Variants in PEBP4 observed in about 807,000 individuals in gnomAD.
PEBP4 encodes the protein phosphatidylethanolamine-binding protein 4.
A neutral mutation model predicts 23.9 loss-of-function variants in PEBP4; 22 were observed. That is an observed-to-expected ratio of 0.92 (90% CI 0.66 to 1.31). The LOEUF is 1.31. PEBP4 is among the 40% of genes most tolerant of loss of function. PEBP4 has a pLI of 0.00. For synonymous variants in PEBP4, 112 were observed against 99.3 expected, an observed-to-expected ratio of 1.13 and a Z score of -0.76; for missense variants, 324 against 281.7, an observed-to-expected ratio of 1.15 and a Z score of -1.07.
chr8:22,801,716 GCATGCACACA>G lies in PEBP4; in HGVS notation c.357+15911_357+15920del, dbSNP rs563248785. On this transcript the variant is annotated intron_variant, in intron 4 of 6. Transcript: ENST00000256404. ...ATCTACACACATGCAATGCACACATGCATGCACACACATGCACACACATATGCCTCCACAC... is the reference window on the plus strand; with the variant it reads ...ATCTACACACATGCAATGCACACATGCATGCACACACATATGCCTCCACAC... Among the ~76,000 whole-genome samples, 16 of 152,140 alleles carry G rather than the reference GCATGCACACA, an allele frequency of 1.1e-4. No homozygotes were observed. The East Asian group carries it at 1.7e-3, about 17-fold the overall frequency.
chr8:22,877,186 G>C (rs1172843617), intron 3 of PEBP4, among the ~76,000 whole-genome samples: 4 of 152,118 alleles, frequency 2.6e-5, no homozygotes, highest in African/African-American at 7.2e-5. Context: ...CAGGGATAAG[G>C]TGTCCCAGCC....
At chr8:22,805,525 C>T (rs1389304774) in intron 4 of PEBP4, among the ~76,000 whole-genome samples, 6 of 152,226 alleles carry the variant, frequency 3.9e-5, no homozygotes, top group East Asian at 3.9e-4. Flanking sequence ...AGAGTTTCTC[C>T]ATGTTGGTCA....
chr8:22,713,270 T>TTA lies in PEBP4; in HGVS notation c.*99_*100insTA, dbSNP rs71206542. ...ACCAAGCCCTGGATGATTTTTTTTT[T>TTA]ATTTGGAAAAGAAGGGGTTCTGTAT... On this transcript the variant is annotated 3_prime_UTR_variant, in exon 7 of 7. Transcript: ENST00000256404. 0.29 allele frequency: 398,824 copies of TTA among 1,399,006 alleles called. 46,045 individuals carry two copies. Among genetic ancestry groups the TTA allele is most frequent in the Admixed American group, 0.38 (12,258 of 32,350 alleles). The allele number at this position is 1,399,006 out of a possible 1,614,324, so 86.7% of individuals were successfully genotyped here.
chr8:22,821,451 G>C (rs1037461159), intron 3 of PEBP4, among the ~76,000 whole-genome samples: 1 of 152,200 alleles, frequency 6.6e-6, no homozygotes, highest in Non-Finnish European at 1.5e-5. Flanking sequence ...GTCTTGGGCA[G>C]CTTGGTGATA....
chr8:22,812,449 C>T (rs1414677927), intron 4 of PEBP4, among the ~76,000 whole-genome samples: 1 of 152,210 alleles, frequency 6.6e-6, no homozygotes, highest in Admixed American at 6.5e-5. Context: ...TTATGGCCAC[C>T]TCTGTGCTGT....
intron 4 of PEBP4, among the ~76,000 whole-genome samples, chr8:22,790,061 G>A (rs905081119): frequency 6.6e-6 from 1 of 152,190 alleles, no homozygotes; most frequent in African/African-American, 2.4e-5. Flanking sequence ...CCACTGAATA[G>A]CCTGCTAGCA....
intron 1 of PEBP4, among the ~76,000 whole-genome samples, chr8:22,937,406 A>C (rs1386822438): frequency 6.6e-6 from 1 of 152,242 alleles, no homozygotes; most frequent in Admixed American, 6.5e-5. Flanking sequence ...TTGCACACTG[A>C]AACTACAAAA....
At chr8:22,860,652 G>A (rs1470387303) in intron 3 of PEBP4, among the ~76,000 whole-genome samples, 1 of 152,116 alleles carries the variant, frequency 6.6e-6, no homozygotes, top group Admixed American at 6.5e-5. Context: ...CTCAAAATCT[G>A]ACTCTATCTT....
chr8:22,728,272 G>A (rs1218184501), intron 4 of PEBP4, among the ~76,000 whole-genome samples: 6 of 152,038 alleles, frequency 3.9e-5, no homozygotes, highest in African/African-American at 1.2e-4. Flanking sequence ...AGTCCTACTC[G>A]CTCAGTCCAG....
intron 5 of PEBP4, among the ~76,000 whole-genome samples, chr8:22,725,451 T>C (rs1407045099): frequency 8.1e-6 from 1 of 122,744 alleles, no homozygotes; most frequent in Non-Finnish European, 1.7e-5. Flanking sequence ...TGGGTGGGAC[T>C]GGGTTCAAAG....
At chr8:22,778,622 A>G (rs1429921806) in intron 4 of PEBP4, among the ~76,000 whole-genome samples, 1 of 152,062 alleles carries the variant, frequency 6.6e-6, no homozygotes, top group Non-Finnish European at 1.5e-5. Flanking sequence ...GGGGATGGGA[A>G]CGAGGCTTCT....
chr8:22,895,626 GCT>G lies in PEBP4; in HGVS notation c.258+24556_258+24557del, dbSNP rs1331934812. 3 of 151,344 alleles carry G rather than the reference GCT, an allele frequency of 2.0e-5. No homozygotes were observed. In the East Asian group the frequency reaches 5.8e-4, roughly 29 times the overall value. 9.4% of individuals were successfully genotyped at this position (151,344 alleles called of 1,614,324 possible). A position where few individuals can be genotyped will look rare whatever the true frequency, so the allele number is the denominator to read the frequency against. The stretch of plus-strand genomic sequence containing the variant: ...TTATCTCTTCAAATAGTTCTACTCT[GCT>G]CTCTTTTCTTAATGAGATCCCAACT... On this transcript the variant is annotated intron_variant, in intron 3 of 6. Coordinates refer to ENST00000256404, the MANE Select transcript of PEBP4 (RefSeq NM_144962.3).
At chr8:22,809,564 C>T (rs12679062) in intron 4 of PEBP4, among the ~76,000 whole-genome samples, 25,968 of 152,006 alleles carry the variant, frequency 0.17, 2,849 homozygotes, top group South Asian at 0.27. Flanking sequence ...CTCAGGCCGC[C>T]ACTTGCTAGC....
intron 4 of PEBP4, among the ~76,000 whole-genome samples, chr8:22,782,141 TG>T (rs1805930062): frequency 6.6e-6 from 1 of 152,018 alleles, no homozygotes; most frequent in East Asian, 1.9e-4. Context: ...GGAATGAGCA[TG>T]GGTAGGGGAG....
chr8:22,798,166 G>A (rs537206565), intron 4 of PEBP4, among the ~76,000 whole-genome samples: 1 of 152,260 alleles, frequency 6.6e-6, no homozygotes, highest in South Asian at 2.1e-4. Flanking sequence ...ATAGGAGGGG[G>A]TCCTAGGTGT....
intron 3 of PEBP4, among the ~76,000 whole-genome samples, chr8:22,849,616 G>A (rs1228334850): frequency 6.6e-6 from 1 of 152,214 alleles, no homozygotes; most frequent in African/African-American, 2.4e-5. Flanking sequence ...ATGCTGATGT[G>A]TGGCATTATG....
At chr8:22,757,658 C>A (rs1805417700) in intron 4 of PEBP4, 1 of 152,218 alleles carries the variant, frequency 6.6e-6, no homozygotes, top group African/African-American at 2.4e-5. Flanking sequence ...TATTTAGCCT[C>A]CTGGATGTGA....
rs564677996 is a variant in PEBP4 at position 22,845,975 on chromosome 8, G to A, written c.259-28240C>T. Reference sequence around the variant, plus strand: ...ATTCCTGCTTGCTGGGGTTGGGCCCGCCTAGGGGATAGCTTGGATGGCAGA... The same window carrying A: ...ATTCCTGCTTGCTGGGGTTGGGCCCACCTAGGGGATAGCTTGGATGGCAGA... On this transcript the variant is annotated intron_variant, in intron 3 of 6. Transcript: ENST00000256404. Among the ~76,000 whole-genome samples the A allele has an allele frequency of 1.8e-4, 27 of 152,350 alleles. No individual in the cohort carries two copies. In the South Asian group the frequency reaches 2.7e-3, roughly 15 times the overall value.
intron 1 of PEBP4, among the ~76,000 whole-genome samples, chr8:22,935,854 G>T (rs1020734166): frequency 1.3e-5 from 2 of 152,078 alleles, no homozygotes; most frequent in African/African-American, 2.4e-5. Flanking sequence ...AAGTGTTTTC[G>T]ATAAGGGAAA....
Sources: gnomAD v4.1 joint callset for allele counts (sites outside exome capture counted in the v4.1 genomes callset) on GRCh38, gnomAD v4.1.1 for gene constraint, MANE v1.5 for transcripts, NCBI Gene and HGNC (gene_info 2026-07-23, HGNC 2026-07-21) for gene names.